SGMS1: variants seen among roughly 807,000 people sequenced by gnomAD.
SGMS1 encodes the protein sphingomyelin synthase 1.
A neutral mutation model predicts 46.2 loss-of-function variants in SGMS1; 13 were observed. The observed-to-expected ratio is 0.28, with a 90% CI of 0.18 to 0.45. The LOEUF (loss-of-function observed/expected upper bound fraction) is 0.45. Among genes scored for constraint, SGMS1 ranks in the 20% least tolerant of loss-of-function variants. The probability of loss-of-function intolerance (pLI) is 1.00; values close to 1 mark genes in which losing one functional copy is unlikely to be tolerated. For synonymous variants in SGMS1, 203 were observed against 187.8 expected, an observed-to-expected ratio of 1.08 and a Z score of -0.66; for missense variants, 324 against 519.9, an observed-to-expected ratio of 0.62 and a Z score of 3.66.
intron 5 of SGMS1, among the ~76,000 whole-genome samples, chr10:50,451,299 A>T (rs747298009): frequency 6.6e-5 from 10 of 152,172 alleles, no homozygotes; most frequent in Non-Finnish European, 1.5e-4. Context: ...TCCAGTTGGC[A>T]TGTTTACCAT....
At chr10:50,520,464 T>C (rs545285556) in intron 2 of SGMS1, among the ~76,000 whole-genome samples, 3 of 152,198 alleles carry the variant, frequency 2.0e-5, no homozygotes, top group Non-Finnish European at 4.4e-5. Context: ...AGCTTTCACA[T>C]GCATTTTCTC....
chr10:50,588,287 C>T (rs975774295), intron 2 of SGMS1, among the ~76,000 whole-genome samples: 2 of 152,188 alleles, frequency 1.3e-5, no homozygotes, highest in African/African-American at 2.4e-5. Flanking sequence ...CTTAAATAGA[C>T]TTTCTTTAAA....
intron 6 of SGMS1, among the ~76,000 whole-genome samples, chr10:50,415,482 A>C (rs191228883): frequency 5.9e-5 from 9 of 152,292 alleles, no homozygotes; most frequent in African/African-American, 1.9e-4. Flanking sequence ...ATGTTCTTTC[A>C]ACATGCTCAA....
intron 3 of SGMS1, among the ~76,000 whole-genome samples, chr10:50,468,034 G>A (rs940098382): frequency 6.6e-6 from 1 of 152,124 alleles, no homozygotes; most frequent in African/African-American, 2.4e-5. Context: ...AGTGGGGAGG[G>A]ACGGTGGCCT....
intron 6 of SGMS1, among the ~76,000 whole-genome samples, chr10:50,404,969 T>C (rs1024324940): frequency 6.6e-6 from 1 of 152,192 alleles, no homozygotes; most frequent in Non-Finnish European, 1.5e-5. Flanking sequence ...AGGAACGGTA[T>C]GTATATTAAT....
chr10:50,523,025 A>G (rs1837869610), intron 2 of SGMS1, among the ~76,000 whole-genome samples: 2 of 152,114 alleles, frequency 1.3e-5, no homozygotes, highest in South Asian at 4.1e-4. Flanking sequence ...ACCTCCCTAT[A>G]TCACAGCGGG....
chr10:50,562,378 T>TCA (rs968220993), intron 2 of SGMS1, among the ~76,000 whole-genome samples: 1 of 139,896 alleles, frequency 7.1e-6, no homozygotes. Context: ...ACACACACAC[T>TCA]CACACACGGG....
In SGMS1 at chr10:50,372,283, T is replaced by C. The variant is rs529018608; in HGVS notation, c.-231-27938A>G. ...TCTAGATTCTTCACAGTATGAGACCTATTATATTAACTTCCTTAAAACTTA... is the reference window on the plus strand; with the variant it reads ...TCTAGATTCTTCACAGTATGAGACCCATTATATTAACTTCCTTAAAACTTA... On this transcript the variant is annotated intron_variant, in intron 6 of 10. Transcript: ENST00000361781. 3.9e-5 allele frequency among the ~76,000 whole-genome samples: 6 copies of C among 152,354 alleles called. No individual in the cohort carries two copies. The East Asian group carries it at 1.2e-3, about 29-fold the overall frequency.
At chr10:50,504,074 A>G (rs1048102046) in intron 3 of SGMS1, among the ~76,000 whole-genome samples, 1 of 152,252 alleles carries the variant, frequency 6.6e-6, no homozygotes, top group African/African-American at 2.4e-5. Flanking sequence ...GAGATGGCCT[A>G]CATAAACAGT....
chr10:50,350,996 A>G (rs1237142843), intron 6 of SGMS1, among the ~76,000 whole-genome samples: 3 of 152,100 alleles, frequency 2.0e-5, no homozygotes, highest in Non-Finnish European at 2.9e-5. Context: ...CACCTGGAAA[A>G]GCCACACTCA....
intron 8 of SGMS1, 23 bp from the exon 9 acceptor site, chr10:50,311,438 G>T: frequency 2.5e-6 from 4 of 1,609,300 alleles, no homozygotes; most frequent in Non-Finnish European, 3.4e-6. Flanking sequence ...AAGAAAAGAA[G>T]AAAAAGAAGA....
In SGMS1 at chr10:50,609,340, T is replaced by C. The variant is rs539735624; in HGVS notation, c.-684+14367A>G. ...TATTTTCAATCTATGTGATTGAATC[T>C]GTGGTTGCAGAACCCATGGATTATT... On this transcript the variant is annotated intron_variant, in intron 1 of 10. Coordinates refer to ENST00000361781, the MANE Select transcript of SGMS1 (RefSeq NM_147156.4). Among the ~76,000 whole-genome samples, 70 of 152,268 alleles carry C rather than the reference T, an allele frequency of 4.6e-4. 1 individual carries two copies. Among genetic ancestry groups the C allele is most frequent in the African/African-American group, 1.6e-3 (68 of 41,534 alleles).
At chr10:50,622,856 C>T (rs933259034) in intron 1 of SGMS1, among the ~76,000 whole-genome samples, 2 of 152,250 alleles carry the variant, frequency 1.3e-5, no homozygotes, top group African/African-American at 4.8e-5. Flanking sequence ...ACGCCACAAG[C>T]CCGAGTTCGG....
chr10:50,474,579 T>A (rs895250137), intron 3 of SGMS1, among the ~76,000 whole-genome samples: 1 of 152,200 alleles, frequency 6.6e-6, no homozygotes, highest in Non-Finnish European at 1.5e-5. Flanking sequence ...AACTAACAAA[T>A]TTTTCTATAA....
At chr10:50,409,736 C>T (rs992079578) in intron 6 of SGMS1, among the ~76,000 whole-genome samples, 4 of 151,920 alleles carry the variant, frequency 2.6e-5, no homozygotes, top group Admixed American at 2.6e-4. Flanking sequence ...GAATATAAGA[C>T]TATAAAGAGG....
At chr10:50,417,872 A>G (rs1231182729) in intron 6 of SGMS1, among the ~76,000 whole-genome samples, 1 of 152,244 alleles carries the variant, frequency 6.6e-6, no homozygotes, top group Non-Finnish European at 1.5e-5. Context: ...CCACTGCTTC[A>G]GCAACTGCAC....
intron 2 of SGMS1, among the ~76,000 whole-genome samples, chr10:50,573,170 T>C (rs1195036829): frequency 6.6e-6 from 1 of 152,198 alleles, no homozygotes; most frequent in Non-Finnish European, 1.5e-5. Flanking sequence ...CTCTAAGATC[T>C]GGAATACACA....
At chr10:50,497,754 A>G (rs1474909273) in intron 3 of SGMS1, among the ~76,000 whole-genome samples, 1 of 152,104 alleles carries the variant, frequency 6.6e-6, no homozygotes, top group Non-Finnish European at 1.5e-5. Context: ...AGATCGCACC[A>G]TTGCACTCCA....
intron 6 of SGMS1, among the ~76,000 whole-genome samples, chr10:50,404,453 C>CA (rs1280297828): frequency 1.3e-5 from 2 of 151,796 alleles, no homozygotes; most frequent in African/African-American, 4.8e-5. Flanking sequence ...ATAGAAAATA[C>CA]AAAAAACTAG....
Sources: gnomAD v4.1 joint callset for allele counts (sites outside exome capture counted in the v4.1 genomes callset) on GRCh38, gnomAD v4.1.1 for gene constraint, MANE v1.5 for transcripts, NCBI Gene and HGNC (gene_info 2026-07-23, HGNC 2026-07-21) for gene names.